Variants in AGBL4 observed in about 807,000 individuals in gnomAD.
AGBL4 encodes the protein AGBL carboxypeptidase 4.
A neutral mutation model predicts 66.4 loss-of-function variants in AGBL4; 58 were observed. The observed-to-expected ratio is 0.87, with a 90% CI of 0.71 to 1.09. The LOEUF (loss-of-function observed/expected upper bound fraction) is 1.09, where lower values mean the gene tolerates loss of function less well. AGBL4 is among the 50% of genes least tolerant of loss of function. The pLI is 0.00. For missense variants in AGBL4, 579 were observed against 631.0 expected (o/e 0.92, Z 0.88); for synonymous variants, 234 against 222.9 (o/e 1.05, Z -0.44).
rs1159021248 is a variant in AGBL4, at chr1:49,953,249, A to G, written c.34+70514T>C. On this transcript the variant is annotated intron_variant, in intron 1 of 13. Coordinates refer to ENST00000371839, the MANE Select transcript of AGBL4 (RefSeq NM_032785.4). ...ATCTTTTAAAATCTGTTTACACTTC[A>G]TTGATCATATCATTTCCTAATATTT... Among the ~76,000 whole-genome samples, 3 of 151,948 alleles carry G rather than the reference A, an allele frequency of 2.0e-5. No homozygotes were observed. The East Asian group carries it at 5.8e-4, about 29-fold the overall frequency.
At chr1:48,678,596 G>A (rs1394116989) in intron 6 of AGBL4, among the ~76,000 whole-genome samples, 1 of 152,128 alleles carries the variant, frequency 6.6e-6, no homozygotes, top group African/African-American at 2.4e-5. Flanking sequence ...CCCCATATGT[G>A]AATGTTGAAG....
intron 1 of AGBL4, among the ~76,000 whole-genome samples, chr1:49,946,428 T>C (rs1388308008): frequency 6.6e-6 from 1 of 151,960 alleles, no homozygotes; most frequent in Non-Finnish European, 1.5e-5. Context: ...TGCAAATATA[T>C]GAAAATGAAA....
intron 3 of AGBL4, among the ~76,000 whole-genome samples, chr1:49,477,992 C>T (rs6679263): frequency 0.092 from 13,971 of 151,204 alleles, 878 homozygotes; most frequent in African/African-American, 0.16. Flanking sequence ...ATCTTGAATA[C>T]AGGCTATTTG....
intron 1 of AGBL4, among the ~76,000 whole-genome samples, chr1:49,954,583 T>C (rs1477941333): frequency 1.3e-5 from 2 of 152,018 alleles, no homozygotes; most frequent in Non-Finnish European, 2.9e-5. Context: ...TTCTCTTCAT[T>C]ATAAATTACC....
rs373821666 is a variant in AGBL4, at chr1:49,151,387, A to G, written c.377+94383T>C. Among the ~76,000 whole-genome samples, 44 of 151,810 alleles carry G rather than the reference A, an allele frequency of 2.9e-4. No individual in the cohort carries two copies. In the East Asian group the frequency reaches 3.1e-3, roughly 11 times the overall value. ...CACCATTATTTGTTTAAGTTTTCCA[A>G]TGATAGTTTAAAAAATTTGTTAAGC... On this transcript the variant is annotated intron_variant, in intron 4 of 13. Transcript: ENST00000371839.
intron 3 of AGBL4, among the ~76,000 whole-genome samples, chr1:49,288,619 G>T (rs965563978): frequency 2.6e-5 from 4 of 152,120 alleles, no homozygotes; most frequent in African/African-American, 7.2e-5. Flanking sequence ...GTAGAAAGTG[G>T]TACCTATGAG....
intron 2 of AGBL4, among the ~76,000 whole-genome samples, chr1:49,733,097 C>G (rs891841789): frequency 6.6e-6 from 1 of 152,142 alleles, no homozygotes; most frequent in African/African-American, 2.4e-5. Context: ...TGACTTTCAT[C>G]AGAGCCAAAG....
At chr1:48,642,256 T>C (rs1645768456) in intron 8 of AGBL4, among the ~76,000 whole-genome samples, 1 of 152,218 alleles carries the variant, frequency 6.6e-6, no homozygotes, top group South Asian at 2.1e-4. Context: ...GCAAGGTCTT[T>C]ACCCTATAAT....
intron 6 of AGBL4, among the ~76,000 whole-genome samples, chr1:48,781,286 G>A (rs1026156059): frequency 6.6e-6 from 1 of 152,170 alleles, no homozygotes; most frequent in Admixed American, 6.5e-5. Flanking sequence ...ACTGGCACGG[G>A]ATGCTTAAAG....
Position 48,588,619 on chromosome 1 carries a change from C to T in AGBL4, c.1105-1453G>A, listed in dbSNP as rs901563745. Among the ~76,000 whole-genome samples, 4 of 149,986 alleles carry T rather than the reference C, an allele frequency of 2.7e-5. No homozygotes were observed. In the East Asian group the frequency reaches 5.8e-4, roughly 22 times the overall value. On this transcript the variant is annotated intron_variant, in intron 10 of 13. Coordinates refer to ENST00000371839, the MANE Select transcript of AGBL4 (RefSeq NM_032785.4). ...AAAAGAGATAAAGTAAACACCAATA[C>T]AAGAAAGGCACAGAAAGACTGTGAA...
intron 1 of AGBL4, among the ~76,000 whole-genome samples, chr1:50,008,128 A>G (rs904326525): frequency 2.0e-5 from 3 of 152,232 alleles, no homozygotes; most frequent in Non-Finnish European, 2.9e-5. Flanking sequence ...CAATCCATAC[A>G]GAACATCAAC....
chr1:48,816,005 A>C (rs1276026244), intron 6 of AGBL4, among the ~76,000 whole-genome samples: 1 of 152,076 alleles, frequency 6.6e-6, no homozygotes. Context: ...CAAACTAAAC[A>C]AAACATGGGC....
At chr1:49,840,385 C>T (rs559210125) in intron 2 of AGBL4, among the ~76,000 whole-genome samples, 2 of 151,932 alleles carry the variant, frequency 1.3e-5, no homozygotes, top group Non-Finnish European at 2.9e-5. Flanking sequence ...AGCAGTCTAT[C>T]GATCTTGTTT....
chr1:48,873,301 C>A (rs1244392977), intron 5 of AGBL4, among the ~76,000 whole-genome samples: 1 of 152,108 alleles, frequency 6.6e-6, no homozygotes, highest in East Asian at 1.9e-4. Flanking sequence ...CATGTTGTTC[C>A]CTCTAATTGG....
intron 3 of AGBL4, among the ~76,000 whole-genome samples, chr1:49,351,463 A>G (rs1643906203): frequency 6.6e-6 from 1 of 152,056 alleles, no homozygotes; most frequent in African/African-American, 2.4e-5. Context: ...ATGTATATAT[A>G]TATATATATG....
intron 6 of AGBL4, among the ~76,000 whole-genome samples, chr1:48,814,610 T>TA (rs1491427620): frequency 4.1e-4 from 2 of 4,880 alleles, no homozygotes; most frequent in African/African-American, 2.6e-4. Flanking sequence ...TGAGATCAAC[T>TA]TTTTTTTTTT....
At chr1:49,878,559 T>C (rs569680220) in intron 1 of AGBL4, among the ~76,000 whole-genome samples, 2 of 152,260 alleles carry the variant, frequency 1.3e-5, no homozygotes, top group African/African-American at 4.8e-5. Flanking sequence ...TTACATTTGC[T>C]GAGGAGTGCT....
intron 5 of AGBL4, among the ~76,000 whole-genome samples, chr1:48,878,000 T>C (rs1205312990): frequency 1.3e-5 from 2 of 152,172 alleles, no homozygotes; most frequent in Non-Finnish European, 2.9e-5. Flanking sequence ...TAAACTGGAA[T>C]ATAACTTCAC....
chr1:49,510,653 T>A (rs1649141995), intron 3 of AGBL4, among the ~76,000 whole-genome samples: 1 of 151,242 alleles, frequency 6.6e-6, no homozygotes, highest in Non-Finnish European at 1.5e-5. Flanking sequence ...CATGAAGTCC[T>A]TGCCCATGCC....
Sources: gnomAD v4.1 joint callset for allele counts (sites outside exome capture counted in the v4.1 genomes callset) on GRCh38, gnomAD v4.1.1 for gene constraint, MANE v1.5 for transcripts, NCBI Gene and HGNC (gene_info 2026-07-23, HGNC 2026-07-21) for gene names.